Variants in CNTN5 observed in about 807,000 individuals in gnomAD.
CNTN5 encodes the protein contactin 5, also known as contactin-5.
CNTN5 carries 77 observed loss-of-function variants against 129.1 expected under a neutral mutation model. That is an observed-to-expected ratio of 0.60 (90% CI 0.50 to 0.72). The LOEUF (loss-of-function observed/expected upper bound fraction) is 0.72. Ranked by LOEUF, CNTN5 falls within the 30% of genes least tolerant of loss-of-function variation. The pLI is 0.00. For missense variants in CNTN5, 1,478 were observed against 1,328.8 expected, an observed-to-expected ratio of 1.11 and a Z score of -1.75; for synonymous variants, 509 against 465.6, an observed-to-expected ratio of 1.09 and a Z score of -1.20.
chr11:100,007,312 C>G (rs536997038), intron 9 of CNTN5, among the ~76,000 whole-genome samples: 1 of 152,016 alleles, frequency 6.6e-6, no homozygotes, highest in Admixed American at 6.6e-5. Flanking sequence ...GTTAGCCTGT[C>G]CTTTGAAGTT....
chr11:99,166,842 C>A (rs1471352209), intron 1 of CNTN5, among the ~76,000 whole-genome samples: 5 of 82,424 alleles, frequency 6.1e-5, no homozygotes, highest in African/African-American at 1.9e-4. Context: ...GAACATATTT[C>A]GTTGAATTAC....
chr11:100,009,936 T>C (rs1940424179), intron 9 of CNTN5, among the ~76,000 whole-genome samples: 1 of 152,168 alleles, frequency 6.6e-6, no homozygotes, highest in Non-Finnish European at 1.5e-5. Flanking sequence ...AACCGGTTGG[T>C]GGCATATCCA....
At chr11:100,167,077 T>C (rs547660356) in intron 13 of CNTN5, among the ~76,000 whole-genome samples, 1 of 151,886 alleles carries the variant, frequency 6.6e-6, no homozygotes, top group South Asian at 2.1e-4. Context: ...TGCTACAATA[T>C]AAAATCATGT....
chr11:99,907,623 A>G (rs758717810), intron 6 of CNTN5, among the ~76,000 whole-genome samples: 2 of 151,774 alleles, frequency 1.3e-5, no homozygotes, highest in East Asian at 1.9e-4. Context: ...GTCAAACACT[A>G]TAAAAGGCTT....
chr11:100,082,518 A>G (rs1177455633), intron 13 of CNTN5, among the ~76,000 whole-genome samples: 1 of 152,058 alleles, frequency 6.6e-6, no homozygotes, highest in African/African-American at 2.4e-5. Flanking sequence ...TCTTGAATTC[A>G]TGGGCTTAAG....
chr11:100,252,308 A>T (rs778174809), intron 16 of CNTN5, among the ~76,000 whole-genome samples: 2 of 152,134 alleles, frequency 1.3e-5, no homozygotes, highest in Non-Finnish European at 2.9e-5. Context: ...TATATGCTGC[A>T]CATTAATCCC....
At chr11:100,079,262 A>T (rs1385687685) in intron 13 of CNTN5, among the ~76,000 whole-genome samples, 2 of 152,164 alleles carry the variant, frequency 1.3e-5, no homozygotes, top group Non-Finnish European at 2.9e-5. Context: ...GAATACTGGC[A>T]TCCATTTCTG....
intron 15 of CNTN5, among the ~76,000 whole-genome samples, chr11:100,197,540 T>C (rs1948674451): frequency 1.3e-5 from 2 of 151,936 alleles, no homozygotes; most frequent in Admixed American, 1.3e-4. Context: ...AGAGTTTATG[T>C]TGGTCAGAGG....
At chr11:99,413,421 C>A (rs902727470) in intron 2 of CNTN5, among the ~76,000 whole-genome samples, 4 of 152,088 alleles carry the variant, frequency 2.6e-5, no homozygotes, top group African/African-American at 2.4e-5. Flanking sequence ...GGGTTTGAGA[C>A]CAGCCTAGCC....
At chr11:99,873,118 G>A (rs1034055295) in intron 6 of CNTN5, among the ~76,000 whole-genome samples, 2 of 151,756 alleles carry the variant, frequency 1.3e-5, no homozygotes, top group African/African-American at 4.8e-5. Context: ...CTAGAATTTC[G>A]GCGATAGTTT....
intron 3 of CNTN5, among the ~76,000 whole-genome samples, chr11:99,642,624 G>A (rs1449188995): frequency 6.6e-6 from 1 of 152,126 alleles, no homozygotes; most frequent in Admixed American, 6.6e-5. Context: ...AACTTTCAAA[G>A]TCTGCTAGCT....
intron 1 of CNTN5, among the ~76,000 whole-genome samples, chr11:99,243,651 C>T (rs529630251): frequency 4.0e-5 from 6 of 151,494 alleles, no homozygotes; most frequent in South Asian, 2.1e-4. Flanking sequence ...TGGTGAAAGG[C>T]GGGGTTCCAG....
intron 2 of CNTN5, among the ~76,000 whole-genome samples, chr11:99,434,151 G>A (rs1261696798): frequency 6.6e-6 from 1 of 152,040 alleles, no homozygotes; most frequent in Non-Finnish European, 1.5e-5. Flanking sequence ...TCTCATTAAA[G>A]AAAGAAGCAA....
chr11:99,418,308 C>T (rs1233073418), intron 2 of CNTN5, among the ~76,000 whole-genome samples: 1 of 152,042 alleles, frequency 6.6e-6, no homozygotes, highest in East Asian at 1.9e-4. Flanking sequence ...GTTATTCTTA[C>T]TCTATGTGGA....
intron 4 of CNTN5, among the ~76,000 whole-genome samples, chr11:99,842,027 C>T (rs1313346353): frequency 2.6e-5 from 4 of 151,820 alleles, no homozygotes; most frequent in Admixed American, 6.6e-5. Flanking sequence ...GCTGGAATTA[C>T]AGGCATGCAC....
intron 3 of CNTN5, among the ~76,000 whole-genome samples, chr11:99,590,023 T>G (rs926922290): frequency 3.3e-5 from 5 of 152,106 alleles, no homozygotes; most frequent in Non-Finnish European, 5.9e-5. Flanking sequence ...AGTGAGGGTA[T>G]AGCCAGTCCT....
chr11:99,851,725 A>C (rs906827834), intron 6 of CNTN5, among the ~76,000 whole-genome samples: 1 of 152,240 alleles, frequency 6.6e-6, no homozygotes, highest in Non-Finnish European at 1.5e-5. Context: ...AGAATATTCC[A>C]TTAGTTTTCC....
At chr11:100,074,383 C>T (rs1390888481) in intron 13 of CNTN5, 89 bp downstream of exon 13, 72 of 1,113,262 alleles carry the variant, frequency 6.5e-5, no homozygotes. Flanking sequence ...AAGAGTCTTG[C>T]AGTACCGTGA....
In CNTN5 at chr11:99,763,181, A is replaced by G. The variant is rs376014975; in HGVS notation, c.56-56363A>G. Among the ~76,000 whole-genome samples the G allele has an allele frequency of 3.3e-5, 5 of 152,240 alleles. No individual in the cohort carries two copies. The East Asian group carries it at 7.7e-4, about 23-fold the overall frequency. On this transcript the variant is annotated intron_variant, in intron 3 of 24. Coordinates refer to ENST00000524871, the MANE Select transcript of CNTN5 (RefSeq NM_014361.4). ...TCATATTTACTTAAATGTATTTGTA[A>G]TTATTTGAAATGTGTATCAGTTTTT...
Sources: gnomAD v4.1 joint callset for allele counts (sites outside exome capture counted in the v4.1 genomes callset) on GRCh38, gnomAD v4.1.1 for gene constraint, MANE v1.5 for transcripts, NCBI Gene and HGNC (gene_info 2026-07-23, HGNC 2026-07-21) for gene names.